The following RBFOX1 variants were observed in gnomAD, a reference collection of about 807,000 sequenced individuals.
RBFOX1 encodes the protein RNA binding fox-1 homolog 1.
Under a neutral mutation model 57.7 loss-of-function variants are expected in RBFOX1, and 8 were observed. The ratio of observed to expected loss-of-function variants is 0.14; its 90% CI spans 0.08 to 0.25. The LOEUF (loss-of-function observed/expected upper bound fraction) is 0.25, where lower values mean the gene tolerates loss of function less well. Ranked by LOEUF, RBFOX1 falls within the 10% of genes least tolerant of loss-of-function variation. The pLI is 1.00. For synonymous variants in RBFOX1, 326 were observed against 222.4 expected (o/e 1.47, Z -4.15); for missense variants, 611 against 548.5 (o/e 1.11, Z -1.14).
intron 3 of RBFOX1, among the ~76,000 whole-genome samples, chr16:6,851,670 A>C (rs1029998610): frequency 4.6e-5 from 7 of 152,126 alleles, no homozygotes; most frequent in African/African-American, 1.7e-4. Flanking sequence ...TCTAGGGTCG[A>C]GAAGACATGG....
intron 4 of RBFOX1, among the ~76,000 whole-genome samples, chr16:5,898,919 C>A (rs910990757): frequency 2.0e-5 from 3 of 150,224 alleles, no homozygotes; most frequent in African/African-American, 7.4e-5. Flanking sequence ...AAAAAGTAGC[C>A]GGGTGTGGTG....
At chr16:5,551,344 A>C (rs1201038046) in intron 2 of RBFOX1, among the ~76,000 whole-genome samples, 1 of 152,174 alleles carries the variant, frequency 6.6e-6, no homozygotes, top group African/African-American at 2.4e-5. Context: ...TACATGTGCG[A>C]GGCTCCCTGA....
At chr16:7,671,189 C>G (rs1409810582) in intron 13 of RBFOX1, among the ~76,000 whole-genome samples, 4 of 152,162 alleles carry the variant, frequency 2.6e-5, no homozygotes, top group African/African-American at 9.7e-5. Context: ...CTTAGATATT[C>G]CAGAAAATTC....
At chr16:5,596,481 G>T (rs1214770893) in intron 2 of RBFOX1, among the ~76,000 whole-genome samples, 1 of 152,152 alleles carries the variant, frequency 6.6e-6, no homozygotes, top group Non-Finnish European at 1.5e-5. Context: ...AAGACAGATT[G>T]ATTCATGCTG....
intron 3 of RBFOX1, among the ~76,000 whole-genome samples, chr16:6,966,907 CCA>C (rs1205663009): frequency 6.6e-6 from 1 of 151,162 alleles, no homozygotes; most frequent in Non-Finnish European, 1.5e-5. Flanking sequence ...ATCCATCCAT[CCA>C]TCCATCCATC....
intron 4 of RBFOX1, among the ~76,000 whole-genome samples, chr16:5,909,798 T>A (rs12928985): frequency 0.27 from 41,669 of 152,068 alleles, 6,469 homozygotes; most frequent in South Asian, 0.47. Flanking sequence ...AGGCCTGTAA[T>A]CTCAGCACTT....
Position 6,168,076 on chromosome 16 carries a change from C to G in RBFOX1, c.-127+148084C>G, listed in dbSNP as rs1459333792. The stretch of plus-strand genomic sequence containing the variant: ...CTGTGATATATTCAGGGAGACATAT[C>G]TATTAAAGCTAGTCTAACAATGGGG... On this transcript the variant is annotated intron_variant, in intron 1 of 15. Coordinates refer to ENST00000550418, the MANE Select transcript of RBFOX1 (RefSeq NM_018723.4). 9.2e-5 allele frequency among the ~76,000 whole-genome samples: 14 copies of G among 152,124 alleles called. 1 individual carries two copies. The South Asian group carries it at 2.9e-3, about 32-fold the overall frequency.
chr16:6,949,620 C>A (rs185033205), intron 3 of RBFOX1, among the ~76,000 whole-genome samples: 11 of 152,084 alleles, frequency 7.2e-5, no homozygotes, highest in Non-Finnish European at 4.4e-5. Context: ...ATCTCTTTCT[C>A]TTTTTCTAAA....
chr16:7,065,495 G>A (rs8050656), intron 4 of RBFOX1, among the ~76,000 whole-genome samples: 1 of 152,112 alleles, frequency 6.6e-6, no homozygotes, highest in Non-Finnish European at 1.5e-5. Context: ...ATCTATCTAA[G>A]ACGCTGACCC....
chr16:6,884,226 G>T (rs2063516664), intron 3 of RBFOX1, among the ~76,000 whole-genome samples: 1 of 152,192 alleles, frequency 6.6e-6, no homozygotes, highest in African/African-American at 2.4e-5. Flanking sequence ...CCATGCTGCA[G>T]AGGCCAGGGA....
At chr16:7,197,470 C>G (rs1283993539) in intron 4 of RBFOX1, among the ~76,000 whole-genome samples, 1 of 141,650 alleles carries the variant, frequency 7.1e-6, no homozygotes, top group Non-Finnish European at 1.5e-5. Flanking sequence ...AAACATCAAG[C>G]TGTGATACTG....
At chr16:6,047,003 C>G (rs2095502368) in intron 1 of RBFOX1, among the ~76,000 whole-genome samples, 1 of 152,126 alleles carries the variant, frequency 6.6e-6, no homozygotes, top group African/African-American at 2.4e-5. Flanking sequence ...TTCAGCCAAG[C>G]CAGGCAAGGT....
chr16:6,001,944 A>C (rs1005347251), intron 4 of RBFOX1, among the ~76,000 whole-genome samples: 3 of 150,372 alleles, frequency 2.0e-5, no homozygotes, highest in Non-Finnish European at 2.9e-5. Context: ...CCCTTCAAAC[A>C]TGAATAATCT....
chr16:6,894,376 T>C (rs1434912844), intron 3 of RBFOX1, among the ~76,000 whole-genome samples: 1 of 152,156 alleles, frequency 6.6e-6, no homozygotes, highest in Non-Finnish European at 1.5e-5. Context: ...ATGGGTGAAA[T>C]GAAGTTTTCT....
At chr16:5,328,333 G>T (rs1339633730) in intron 1 of RBFOX1, among the ~76,000 whole-genome samples, 2 of 152,172 alleles carry the variant, frequency 1.3e-5, no homozygotes, top group Non-Finnish European at 2.9e-5. Context: ...TAGAGGAAAG[G>T]CTGTCTGCAA....
intron 3 of RBFOX1, among the ~76,000 whole-genome samples, chr16:5,658,895 CAT>C (rs2049552903): frequency 6.7e-6 from 1 of 148,824 alleles, no homozygotes; most frequent in African/African-American, 2.5e-5. Flanking sequence ...ATATATCTCA[CAT>C]AGTTTCTTTA....
intron 2 of RBFOX1, among the ~76,000 whole-genome samples, chr16:6,651,430 C>T (rs554950107): frequency 6.6e-6 from 1 of 152,318 alleles, no homozygotes; most frequent in South Asian, 2.1e-4. Flanking sequence ...TCATGTCACA[C>T]CTGGACTCCT....
intron 3 of RBFOX1, among the ~76,000 whole-genome samples, chr16:5,625,028 A>C (rs1028073694): frequency 6.6e-6 from 1 of 152,066 alleles, no homozygotes; most frequent in Non-Finnish European, 1.5e-5. Flanking sequence ...ACCAGCAGTC[A>C]CCCTCCATAG....
chr16:6,555,559 G>A (rs113113740), intron 2 of RBFOX1, among the ~76,000 whole-genome samples: 12,769 of 152,038 alleles, frequency 0.084, 722 homozygotes, highest in Non-Finnish European at 0.13. Context: ...AATTAGCCGG[G>A]CGTGGTGGCG....
Sources: allele counts gnomAD v4.1 joint callset (sites outside exome capture counted in the v4.1 genomes callset), GRCh38; gene constraint gnomAD v4.1.1; transcripts MANE v1.5; gene names NCBI Gene and HGNC (gene_info 2026-07-23, HGNC 2026-07-21).